ANK2: variants seen among roughly 807,000 people sequenced by gnomAD.
ANK2 encodes the protein ankyrin 2.
Under a neutral mutation model 360.5 loss-of-function variants are expected in ANK2, and 83 were observed. The ratio of observed to expected loss-of-function variants is 0.23; its 90% CI spans 0.19 to 0.28. The LOEUF (loss-of-function observed/expected upper bound fraction) is 0.28. Ranked by LOEUF, ANK2 falls within the 10% of genes least tolerant of loss-of-function variation. The pLI, the probability that ANK2 is intolerant of heterozygous loss-of-function variation, is 1.00. For missense variants in ANK2, 4,201 were observed against 4,795.7 expected (o/e 0.88, Z 3.66); for synonymous variants, 1,740 against 1,759.5 (o/e 0.99, Z 0.28).
chr4:113,304,759 T>C (rs1329418168), intron 23 of ANK2, among the ~76,000 whole-genome samples: 3 of 152,140 alleles, frequency 2.0e-5, no homozygotes, highest in African/African-American at 7.2e-5. Context: ...ATTTTTAATA[T>C]AGCTAAGAAT....
the ANK2 span, among the ~76,000 whole-genome samples, chr4:112,782,901 A>G: frequency 4.6e-5 from 7 of 150,922 alleles, no homozygotes; most frequent in African/African-American, 2.4e-5. Context: ...ACCAGAATAA[A>G]TAGCTTTTCT....
intron 1 of ANK2, among the ~76,000 whole-genome samples, chr4:113,059,562 C>T (rs1470346030): frequency 1.3e-5 from 2 of 152,006 alleles, no homozygotes; most frequent in Non-Finnish European, 2.9e-5. Flanking sequence ...ATGGTTCATA[C>T]GGCATTCTTA....
chr4:113,075,002 G>C (rs1442189923), intron 1 of ANK2, among the ~76,000 whole-genome samples: 1 of 152,108 alleles, frequency 6.6e-6, no homozygotes, highest in African/African-American at 2.4e-5. Flanking sequence ...TGATTGTGTG[G>C]TCCTCAGATG....
intron 4 of ANK2, among the ~76,000 whole-genome samples, chr4:113,208,844 T>C (rs79358776): frequency 6.6e-6 from 1 of 152,076 alleles, no homozygotes; most frequent in East Asian, 1.9e-4. Flanking sequence ...AGATCATGAA[T>C]AGCATTTGAA....
At chr4:112,869,217 C>T (rs2071882760) in intron 1 of ANK2, among the ~76,000 whole-genome samples, 1 of 152,208 alleles carries the variant, frequency 6.6e-6, no homozygotes, top group African/African-American at 2.4e-5. Flanking sequence ...ATCTTCCTGC[C>T]TTGGCCTCCC....
Position 113,192,923 on chromosome 4 carries a change from T to TA in ANK2, c.187-3445_187-3444insA, listed in dbSNP as rs1407437172. ...CTCTATATTTTAGGGATTGCATTAT[T>TA]TAAAAAAAAAAAAAAAAACAACCCT... On this transcript the variant is annotated intron_variant, in intron 2 of 45. Coordinates refer to ENST00000357077, the MANE Select transcript of ANK2 (RefSeq NM_001148.6). Among the ~76,000 whole-genome samples, 412 of 119,790 alleles carry TA rather than the reference T, an allele frequency of 3.4e-3. 1 individual carries two copies. Among genetic ancestry groups the TA allele is most frequent in the African/African-American group, 9.7e-3 (322 of 33,264 alleles). 78.6% of individuals were successfully genotyped at this position (119,790 alleles called of 152,430 possible).
chr4:113,306,846 A>G (rs1369689246), intron 23 of ANK2, among the ~76,000 whole-genome samples: 4 of 152,234 alleles, frequency 2.6e-5, no homozygotes, highest in African/African-American at 9.6e-5. Flanking sequence ...CATGATATAA[A>G]TAACATCCTT....
At chr4:112,878,176 A>G (rs931109102) in intron 1 of ANK2, among the ~76,000 whole-genome samples, 19 of 148,512 alleles carry the variant, frequency 1.3e-4, no homozygotes, top group Non-Finnish European at 2.1e-4. Flanking sequence ...CTATCTATCT[A>G]TCTATCTCCT....
At chr4:112,990,254 G>A (rs1222033692) in intron 2 of ANK2, among the ~76,000 whole-genome samples, 1 of 152,084 alleles carries the variant, frequency 6.6e-6, no homozygotes, top group African/African-American at 2.4e-5. Flanking sequence ...GGGTGACAGA[G>A]TGAGACCCTG....
At chr4:112,864,582 T>A (rs1462410508) in intron 1 of ANK2, among the ~76,000 whole-genome samples, 1 of 151,940 alleles carries the variant, frequency 6.6e-6, no homozygotes. Context: ...AGTGCTGGGA[T>A]TACAGGCGTC....
chr4:113,108,417 G>C (rs144198435), intron 1 of ANK2, among the ~76,000 whole-genome samples: 14 of 152,154 alleles, frequency 9.2e-5, no homozygotes, highest in African/African-American at 3.4e-4. Context: ...GATAATCTAA[G>C]ATTTATTTAA....
chr4:112,791,783 G>A, the ANK2 span, among the ~76,000 whole-genome samples: 5 of 151,836 alleles, frequency 3.3e-5, no homozygotes, highest in East Asian at 2.0e-4. Flanking sequence ...GAGCCACCGC[G>A]CCCAGCCTAG....
At chr4:113,292,579 C>T in intron 21 of ANK2, 65 bp downstream of exon 21, 3 of 1,446,486 alleles carry the variant, frequency 2.1e-6, no homozygotes. Flanking sequence ...CTGGTGGCTT[C>T]TTGTCTGAGC....
intron 2 of ANK2, among the ~76,000 whole-genome samples, chr4:112,925,345 T>A (rs983358264): frequency 6.6e-6 from 1 of 152,230 alleles, no homozygotes; most frequent in African/African-American, 2.4e-5. Flanking sequence ...GTCTCTCAAG[T>A]ACAGCAGCCA....
intron 38 of ANK2, 139 bp downstream of exon 38, chr4:113,359,438 C>G: frequency 9.1e-7 from 1 of 1,096,454 alleles, no homozygotes; most frequent in Non-Finnish European, 1.3e-6. Flanking sequence ...TTGTGTAAGC[C>G]CTTTGTGTTT....
chr4:112,761,571 G>C, the ANK2 span, among the ~76,000 whole-genome samples: 1 of 152,098 alleles, frequency 6.6e-6, no homozygotes, highest in Non-Finnish European at 1.5e-5. Flanking sequence ...AGTGAGCCCA[G>C]ATCACGCCAC....
chr4:113,148,221 G>T (rs2096906568), intron 1 of ANK2, among the ~76,000 whole-genome samples: 1 of 152,102 alleles, frequency 6.6e-6, no homozygotes, highest in East Asian at 1.9e-4. Context: ...TTTTTGTGAT[G>T]ATATCATTTA....
At chr4:113,026,149 C>A (rs1296946505) in intron 2 of ANK2, among the ~76,000 whole-genome samples, 1 of 152,100 alleles carries the variant, frequency 6.6e-6, no homozygotes, top group East Asian at 1.9e-4. Context: ...TTGGGACCTG[C>A]TATGTGGAAA....
At chr4:112,902,062 G>A (rs1417496759) in intron 1 of ANK2, among the ~76,000 whole-genome samples, 1 of 152,198 alleles carries the variant, frequency 6.6e-6, no homozygotes, top group Non-Finnish European at 1.5e-5. Flanking sequence ...TCACAGTGAA[G>A]AGGAGAGCAC....
Sources: allele counts gnomAD v4.1 joint callset (sites outside exome capture counted in the v4.1 genomes callset), GRCh38; gene constraint gnomAD v4.1.1; transcripts MANE v1.5; gene names NCBI Gene and HGNC (gene_info 2026-07-23, HGNC 2026-07-21).